Variants in KIRREL3 observed in about 807,000 individuals in gnomAD.
KIRREL3 encodes the protein kirre like nephrin family adhesion molecule 3, also known as kin of IRRE-like protein 3.
KIRREL3 carries 36 observed loss-of-function variants against 89.7 expected under a neutral mutation model. The ratio of observed to expected loss-of-function variants is 0.40; its 90% confidence interval spans 0.31 to 0.53. The LOEUF is 0.53. KIRREL3 is among the 20% of genes least tolerant of loss of function. The pLI is 0.49. For synonymous variants in KIRREL3, 445 were observed against 441.4 expected, an observed-to-expected ratio of 1.01 and a Z score of -0.10; for missense variants, 864 against 1,056.6, an observed-to-expected ratio of 0.82 and a Z score of 2.53.
At chr11:126,986,249 G>A (rs563387412) in intron 1 of KIRREL3, among the ~76,000 whole-genome samples, 1 of 152,232 alleles carries the variant, frequency 6.6e-6, no homozygotes, top group Non-Finnish European at 1.5e-5. Context: ...GCCTAGTGAT[G>A]AGAACATTTT....
chr11:126,525,821 T>C lies in KIRREL3; in HGVS notation c.283+717A>G, dbSNP rs755505527. On this transcript the variant is annotated intron_variant, in intron 3 of 16. Transcript: ENST00000525144. This position sits in a 1 kb window ranked among gnomAD's most constrained non-coding sequence, Gnocchi z 5.4. ...AGGGGGATGAGCCATTCTTTTTTTT[T>C]CTCCAGGGAAGAGGATGGATTGGAA... Among the ~76,000 whole-genome samples the C allele has an allele frequency of 2.8e-4, 42 of 152,106 alleles. No individual in the cohort carries two copies. The highest frequency in any genetic ancestry group is 2.1e-3 in the Admixed American group (32 of 15,268).
intron 4 of KIRREL3, among the ~76,000 whole-genome samples, chr11:126,500,557 T>A (rs938982556): frequency 1.3e-5 from 2 of 152,080 alleles, no homozygotes; most frequent in East Asian, 3.9e-4. Flanking sequence ...CTGACCAACA[T>A]GGTGAAACCC....
Position 126,526,484 on chromosome 11 carries a change from T to G in KIRREL3, c.283+54A>C. On this transcript the variant is annotated intron_variant, in intron 3 of 16. Coordinates refer to ENST00000525144, the MANE Select transcript of KIRREL3 (RefSeq NM_032531.4). This position sits in a 1 kb window ranked among gnomAD's most constrained non-coding sequence, Gnocchi z 5.7. Reference sequence around the variant, plus strand: ...GGTGCTCCCTAGGAAGGTGGATGGGTGAGTAAGGAAGTGATGGCCCCAGGC... The same window carrying G: ...GGTGCTCCCTAGGAAGGTGGATGGGGGAGTAAGGAAGTGATGGCCCCAGGC... 6.5e-7 allele frequency: 1 copy of G among 1,548,664 alleles called. No individual in the cohort carries two copies.
rs747736419 is a variant in KIRREL3 at position 126,475,931 on chromosome 11, C to T, written c.434-2465G>A. ...CCTCCCCGACCAGGATGGAGGAGCT[C>T]GGGCTCCATGAGCTAGCTGAGGGCC... On this transcript the variant is annotated intron_variant, in intron 4 of 16. Transcript: ENST00000525144. This position sits in a 1 kb window ranked among gnomAD's most constrained non-coding sequence, Gnocchi z 7.5. 3.3e-5 allele frequency among the ~76,000 whole-genome samples: 5 copies of T among 152,172 alleles called. No homozygotes were observed. The highest frequency in any genetic ancestry group is 7.3e-5 in the Non-Finnish European group (5 of 68,040).
Position 126,456,386 on chromosome 11 carries a change from A to G in KIRREL3, c.811T>C (p.Cys271Arg). 6.3e-7 allele frequency: 1 copy of G among 1,594,294 alleles called. No homozygotes were observed. The highest frequency in any genetic ancestry group is 8.5e-7 in the Non-Finnish European group (1 of 1,170,488). ...ACAGCTGGGTTGGCCTTTGCAGAGC[A>G]GTGGAAAGTGACGACGTTGTCCTCC... Reference protein sequence around the residue: ...VLEDNVVTFHCSAKANPAVTQ... With the variant: ...VLEDNVVTFHRSAKANPAVTQ... Residue 271 changes from cysteine to arginine, a missense_variant, in exon 7 of 17, where the codon TGC (cysteine) becomes CGC (arginine). Cys to Arg is a radical substitution (Grantham distance 180). Coordinates refer to ENST00000525144, the MANE Select transcript of KIRREL3 (RefSeq NM_032531.4).
chr11:126,818,809 A>G (rs569088572), intron 1 of KIRREL3, among the ~76,000 whole-genome samples: 86 of 37,702 alleles, frequency 2.3e-3, no homozygotes, highest in African/African-American at 0.019. Flanking sequence ...ATTTCAGGTC[A>G]GCCTCTACTC....
chr11:126,854,406 A>C (rs1214280585), intron 1 of KIRREL3, among the ~76,000 whole-genome samples: 3 of 152,116 alleles, frequency 2.0e-5, no homozygotes, highest in Non-Finnish European at 4.4e-5. Flanking sequence ...CCAGCCCCTG[A>C]CAACCACCTT....
rs1422011843 is a variant in KIRREL3 at position 126,608,670 on chromosome 11, C to A, written c.56-45758G>T. Among the ~76,000 whole-genome samples the A allele has an allele frequency of 2.6e-5, 4 of 152,192 alleles. No individual in the cohort carries two copies. Among genetic ancestry groups the A allele is most frequent in the South Asian group, 2.1e-4 (1 of 4,832 alleles). On this transcript the variant is annotated intron_variant, in intron 1 of 16. Coordinates refer to ENST00000525144, the MANE Select transcript of KIRREL3 (RefSeq NM_032531.4). The surrounding 1 kb of genome is among the most constrained non-coding windows in gnomAD (Gnocchi z 4.9). ...AGTAGGAGCCCCCTTCCCAGCCCTC[C>A]CTGGCTAAGGGATGGTGGTCCCAGA...
At chr11:126,444,577 A>G (rs1470840368) in intron 10 of KIRREL3, among the ~76,000 whole-genome samples, 2 of 152,230 alleles carry the variant, frequency 1.3e-5, no homozygotes, top group African/African-American at 4.8e-5. Flanking sequence ...TGGACAACAG[A>G]GCGAGACTCC....
At chr11:126,921,391 G>GTATCTATC (rs35917135) in intron 1 of KIRREL3, among the ~76,000 whole-genome samples, 1,815 of 144,096 alleles carry the variant, frequency 0.013, 13 homozygotes, top group East Asian at 0.02. Flanking sequence ...ATCCTGTCTT[G>GTATCTATC]TATCTATCTA....
At chr11:126,630,241 C>A (rs1009031074) in intron 1 of KIRREL3, among the ~76,000 whole-genome samples, 1 of 152,186 alleles carries the variant, frequency 6.6e-6, no homozygotes, top group Non-Finnish European at 1.5e-5. Flanking sequence ...ATATAAGCCC[C>A]CTCTCTGTGT....
rs1958930989 is a variant in KIRREL3 at position 126,531,125 on chromosome 11, G to A, written c.134-4438C>T. Among the ~76,000 whole-genome samples the A allele has an allele frequency of 6.6e-6, 1 of 152,076 alleles. No individual in the cohort carries two copies. The highest frequency in any genetic ancestry group is 1.5e-5 in the Non-Finnish European group (1 of 68,012). On this transcript the variant is annotated intron_variant, in intron 2 of 16. Transcript: ENST00000525144. This position sits in a 1 kb window ranked among gnomAD's most constrained non-coding sequence, Gnocchi z 4.7. ...TTACGAGCGTGAGCCACCATGCCCG[G>A]CCCCATGCTTTGTTTTGAGTCTGTC...
At chr11:126,864,465 G>A (rs1298303216) in intron 1 of KIRREL3, among the ~76,000 whole-genome samples, 2 of 152,228 alleles carry the variant, frequency 1.3e-5, no homozygotes, top group African/African-American at 2.4e-5. Flanking sequence ...CATGGTAGAG[G>A]TGAGGGTGGC....
rs1485219148 is a variant in KIRREL3 at position 126,943,294 on chromosome 11, T to C, written c.55+57161A>G. On this transcript the variant is annotated intron_variant, in intron 1 of 16. Transcript: ENST00000525144. This position sits in a 1 kb window ranked among gnomAD's most constrained non-coding sequence, Gnocchi z 4.2. ...ACTCACTCAATTACAGTTAAAGCCCTGTTCCAGGGAGGAGTGGAGGGAGAC... is the reference window on the plus strand; with the variant it reads ...ACTCACTCAATTACAGTTAAAGCCCCGTTCCAGGGAGGAGTGGAGGGAGAC... Among the ~76,000 whole-genome samples, 1 of 152,156 alleles carries C rather than the reference T, an allele frequency of 6.6e-6. No individual in the cohort carries two copies. Among genetic ancestry groups the C allele is most frequent in the Non-Finnish European group, 1.5e-5 (1 of 68,036 alleles).
rs749858496 is a variant in KIRREL3, at chr11:126,561,363, G to A, written c.133+1472C>T. 9.2e-5 allele frequency among the ~76,000 whole-genome samples: 14 copies of A among 152,170 alleles called. No individual in the cohort carries two copies. The highest frequency in any genetic ancestry group is 1.9e-4 in the Non-Finnish European group (13 of 68,024). ...ACCCAGAAGCTGAGGTCAGATATCT[G>A]GAGCTATGGGTTTCAATTCCAGCCC... On this transcript the variant is annotated intron_variant, in intron 2 of 16. Transcript: ENST00000525144. This position sits in a 1 kb window ranked among gnomAD's most constrained non-coding sequence, Gnocchi z 4.5.
chr11:126,557,547 G>A lies in KIRREL3; in HGVS notation c.133+5288C>T, dbSNP rs189916197. On this transcript the variant is annotated intron_variant, in intron 2 of 16. Coordinates refer to ENST00000525144, the MANE Select transcript of KIRREL3 (RefSeq NM_032531.4). The surrounding 1 kb of genome is among the most constrained non-coding windows in gnomAD (Gnocchi z 5.6). ...GGGACTTGCCCAAGCTCACACAGCC[G>A]GCTCCTCACTCTTAAGTGCTCCTCC... Among the ~76,000 whole-genome samples the A allele has an allele frequency of 1.2e-4, 19 of 152,224 alleles. No homozygotes were observed. Among genetic ancestry groups the A allele is most frequent in the Admixed American group, 7.8e-4 (12 of 15,300 alleles).
In KIRREL3 at chr11:126,486,485, A is replaced by G. The variant is rs1591619768; in HGVS notation, c.434-13019T>C. ...GCGCTTCTTAGGTGTGTTTGCAGGA[A>G]TAACCGGCACATGCCCCCTTGCAGC... is the stretch of plus-strand genomic sequence containing the variant. On this transcript the variant is annotated intron_variant, in intron 4 of 16. Transcript: ENST00000525144. The surrounding 1 kb of genome is among the most constrained non-coding windows in gnomAD (Gnocchi z 6.2). 6.6e-6 allele frequency among the ~76,000 whole-genome samples: 1 copy of G among 152,346 alleles called. No individual in the cohort carries two copies. Among genetic ancestry groups the G allele is most frequent in the East Asian group, 1.9e-4 (1 of 5,184 alleles).
chr11:126,529,200 G>T (rs892683238), intron 2 of KIRREL3, among the ~76,000 whole-genome samples: 13 of 152,144 alleles, frequency 8.5e-5, no homozygotes, highest in Non-Finnish European at 1.2e-4. Context: ...GGGAAGTGGG[G>T]TGCAAGAAGC....
intron 1 of KIRREL3, among the ~76,000 whole-genome samples, chr11:126,974,983 G>C (rs530391569): frequency 1.3e-5 from 2 of 152,082 alleles, no homozygotes; most frequent in Non-Finnish European, 2.9e-5. Context: ...GCTAATTTTT[G>C]TATTTTTTGT....
Sources: gnomAD v4.1 joint callset for allele counts (sites outside exome capture counted in the v4.1 genomes callset) on GRCh38, gnomAD v4.1.1 for gene constraint, Gnocchi (gnomAD v3.1) non-coding constraint, MANE v1.5 for transcripts, NCBI Gene and HGNC (gene_info 2026-07-23, HGNC 2026-07-21) for gene names.